Variants in PDE8B observed in about 807,000 individuals in gnomAD.
The protein encoded by PDE8B is high affinity cAMP-specific and IBMX-insensitive 3',5'-cyclic phosphodiesterase 8B.
In PDE8B, 26 loss-of-function variants were observed where a neutral mutation model predicts 101.3. That is an observed-to-expected ratio of 0.26 (90% CI 0.19 to 0.36). The LOEUF is 0.36. Ranked by LOEUF, PDE8B falls within the 10% of genes least tolerant of loss-of-function variation. The probability of loss-of-function intolerance (pLI) is 1.00; values close to 1 mark genes in which losing one functional copy is unlikely to be tolerated. For missense variants in PDE8B, 810 were observed against 1,163.1 expected (o/e 0.70, Z 4.42); for synonymous variants, 424 against 429.3 (o/e 0.99, Z 0.15).
chr5:77,230,034 C>T (rs1307478878), intron 1 of PDE8B, among the ~76,000 whole-genome samples: 1 of 152,158 alleles, frequency 6.6e-6, no homozygotes, highest in East Asian at 1.9e-4. Context: ...AGTGGCCGTA[C>T]CAGTTTCTCT....
chr5:77,323,390 T>C (rs934182197), intron 2 of PDE8B, among the ~76,000 whole-genome samples: 4 of 152,254 alleles, frequency 2.6e-5, no homozygotes, highest in Non-Finnish European at 5.9e-5. Context: ...TATCCAGATA[T>C]TTATTGATAT....
intron 10 of PDE8B, among the ~76,000 whole-genome samples, chr5:77,391,368 G>A (rs904442508): frequency 7.2e-5 from 11 of 152,160 alleles, no homozygotes; most frequent in Admixed American, 3.9e-4. Context: ...GGTTCCTGAC[G>A]GCAGATGCTG....
intron 1 of PDE8B, among the ~76,000 whole-genome samples, chr5:77,280,973 C>T (rs770115319): frequency 3.3e-5 from 5 of 152,232 alleles, no homozygotes; most frequent in Admixed American, 6.5e-5. Flanking sequence ...GGCCCAGAGC[C>T]TACCCTGACT....
intron 1 of PDE8B, among the ~76,000 whole-genome samples, chr5:77,308,324 A>G (rs970114): frequency 0.82 from 124,428 of 152,158 alleles, 51,160 homozygotes; most frequent in East Asian, 0.97. Flanking sequence ...AGGAGCTGGT[A>G]AACTGAGGCA....
intron 10 of PDE8B, among the ~76,000 whole-genome samples, chr5:77,369,925 T>C (rs1386831565): frequency 6.6e-6 from 1 of 152,200 alleles, no homozygotes; most frequent in Non-Finnish European, 1.5e-5. Context: ...GTGAAAATTG[T>C]CAGGCATACA....
intron 10 of PDE8B, among the ~76,000 whole-genome samples, chr5:77,389,476 G>A (rs1316259360): frequency 1.3e-5 from 2 of 151,522 alleles, no homozygotes; most frequent in Admixed American, 6.6e-5. Flanking sequence ...GCCTTCTGCG[G>A]CGATCTCTCT....
intron 1 of PDE8B, among the ~76,000 whole-genome samples, chr5:77,311,054 G>A (rs567955294): frequency 4.1e-4 from 62 of 152,234 alleles, no homozygotes; most frequent in African/African-American, 1.4e-3. Context: ...ATGCTGCTGC[G>A]TGCTGAAGGC....
chr5:77,251,558 G>A (rs1002065694), intron 1 of PDE8B, among the ~76,000 whole-genome samples: 2 of 152,164 alleles, frequency 1.3e-5, no homozygotes, highest in African/African-American at 4.8e-5. Flanking sequence ...ATGGATTGAT[G>A]TCTCTGATTG....
rs187143998 is a variant in PDE8B at position 77,318,481 on chromosome 5, A to G, written c.399+6428A>G. ...TTCACATCTTGCTGGCAGTGCAGCT[A>G]TGGACAAGTTTTTTAACCATCTAAG... On this transcript the variant is annotated intron_variant, in intron 2 of 21. Transcript: ENST00000264917. 3.5e-4 allele frequency among the ~76,000 whole-genome samples: 54 copies of G among 152,334 alleles called. 1 individual carries two copies. In the East Asian group the frequency reaches 8.5e-3, roughly 24 times the overall value.
At chr5:77,143,823 G>A in the PDE8B span, 2 of 149,584 alleles carry the variant, frequency 1.3e-5, no homozygotes, top group South Asian at 4.2e-4. Flanking sequence ...AAGCTCCCAA[G>A]CCTCAATCTC....
At chr5:77,340,704 C>T (rs980429991) in intron 6 of PDE8B, among the ~76,000 whole-genome samples, 3 of 151,672 alleles carry the variant, frequency 2.0e-5, no homozygotes, top group Non-Finnish European at 4.4e-5. Context: ...TGTAACCCAA[C>T]ACCCTGGCCA....
At chr5:77,166,226 T>TGAA in the PDE8B span, among the ~76,000 whole-genome samples, 1 of 116,374 alleles carries the variant, frequency 8.6e-6, no homozygotes, top group African/African-American at 3.3e-5. Context: ...TCGGTAAAGA[T>TGAA]AAAAAAAAAA....
the PDE8B span, among the ~76,000 whole-genome samples, chr5:77,184,531 CA>C: frequency 6.6e-6 from 1 of 152,098 alleles, no homozygotes; most frequent in Non-Finnish European, 1.5e-5. Flanking sequence ...TTTTTGCCTA[CA>C]AAAACAACAA....
chr5:77,152,347 AT>A, the PDE8B span, among the ~76,000 whole-genome samples: 4 of 152,164 alleles, frequency 2.6e-5, no homozygotes, highest in African/African-American at 9.7e-5. Flanking sequence ...TCAACTGAAA[AT>A]GTTTACTTCT....
chr5:77,406,179 G>C (rs550463612), intron 12 of PDE8B, among the ~76,000 whole-genome samples: 21 of 152,306 alleles, frequency 1.4e-4, no homozygotes, highest in Non-Finnish European at 2.8e-4. Context: ...CAGCTACTCA[G>C]GAGGCTGAGG....
chr5:77,371,991 A>C (rs895660671), intron 10 of PDE8B, among the ~76,000 whole-genome samples: 1 of 152,112 alleles, frequency 6.6e-6, no homozygotes, highest in Non-Finnish European at 1.5e-5. Flanking sequence ...ACTTCAGGCC[A>C]GGAGTTTGAG....
At chr5:77,265,021 A>C (rs962991572) in intron 1 of PDE8B, among the ~76,000 whole-genome samples, 4 of 152,126 alleles carry the variant, frequency 2.6e-5, no homozygotes, top group African/African-American at 9.7e-5. Context: ...AGGTTTTACA[A>C]ATATTTGCCA....
At chr5:77,375,003 G>A (rs1302361566) in intron 10 of PDE8B, among the ~76,000 whole-genome samples, 1 of 152,126 alleles carries the variant, frequency 6.6e-6, no homozygotes, top group African/African-American at 2.4e-5. Context: ...TCTAATTCTT[G>A]AGAAATTGCA....
At chr5:77,340,615 G>A (rs1292919741) in intron 6 of PDE8B, among the ~76,000 whole-genome samples, 1 of 150,888 alleles carries the variant, frequency 6.6e-6, no homozygotes, top group Admixed American at 6.6e-5. Flanking sequence ...GTGTGTGTGT[G>A]TGTGTGTGTG....
Sources: allele counts gnomAD v4.1 joint callset (sites outside exome capture counted in the v4.1 genomes callset), GRCh38; gene constraint gnomAD v4.1.1; transcripts MANE v1.5; gene names NCBI Gene and HGNC (gene_info 2026-07-23, HGNC 2026-07-21).